Variants in CTDSP2 observed in about 807,000 individuals in gnomAD.
CTDSP2 encodes carboxy-terminal domain RNA polymerase II polypeptide A small phosphatase 2.
In CTDSP2, 9 loss-of-function variants were observed where a neutral mutation model predicts 31.6. The ratio of observed to expected loss-of-function variants is 0.28; its 90% confidence interval spans 0.17 to 0.50. The LOEUF (loss-of-function observed/expected upper bound fraction) is 0.50, where lower values mean the gene tolerates loss of function less well. Among genes scored for constraint, CTDSP2 ranks in the 20% least tolerant of loss-of-function variants. The pLI, the probability that CTDSP2 is intolerant of heterozygous loss-of-function variation, is 0.98. For synonymous variants in CTDSP2, 134 were observed against 134.5 expected (o/e 1.00, Z 0.03); for missense variants, 267 against 348.5 (o/e 0.77, Z 1.86).
In CTDSP2 at chr12:57,846,415, G is replaced by C; in HGVS notation, c.21C>G (p.Ile7Met). The C allele has an allele frequency of 6.2e-7, 1 of 1,607,602 alleles. No homozygotes were observed. Among genetic ancestry groups the C allele is most frequent in the Non-Finnish European group, 8.5e-7 (1 of 1,177,294 alleles). The change falls in exon 1 of 8, where the codon ATC becomes ATG. Residue 7 changes from isoleucine (I) to methionine (M), a missense_variant. By Grantham distance (10) the Ile-to-Met change is conservative. Transcript: ENST00000398073. Reference sequence around the variant, plus strand: ...GGGCGTCTTCCCTCCGCGCCTGGGTGATGATGGAGCCGTGTTCCATCTAAC... The same window carrying C: ...GGGCGTCTTCCCTCCGCGCCTGGGTCATGATGGAGCCGTGTTCCATCTAAC... Reference protein sequence around the residue: MEHGSIITQARREDALV... With the variant: MEHGSIMTQARREDALV...
intron 1 of CTDSP2, among the ~76,000 whole-genome samples, chr12:57,844,259 C>A (rs982527699): frequency 1.3e-4 from 20 of 152,252 alleles, no homozygotes; most frequent in Middle Eastern, 3.4e-3. Flanking sequence ...ACCACACACA[C>A]AAAAAAGGAG....
At chr12:57,829,362 C>T in intron 2 of CTDSP2, 86 bp downstream of exon 2, 1 of 1,499,436 alleles carries the variant, frequency 6.7e-7, no homozygotes, top group South Asian at 1.2e-5. Context: ...TCAGGCAAAG[C>T]TTCCTTGTCC....
chr12:57,829,995 G>A (rs865910398), intron 1 of CTDSP2, among the ~76,000 whole-genome samples: 1 of 152,220 alleles, frequency 6.6e-6, no homozygotes. Context: ...GAGAAACCTG[G>A]TCCCCTTTGA....
At chr12:57,843,768 CTTTTGTT>C (rs988636869) in intron 1 of CTDSP2, among the ~76,000 whole-genome samples, 4 of 152,200 alleles carry the variant, frequency 2.6e-5, no homozygotes, top group African/African-American at 9.7e-5. Flanking sequence ...AGTCCCCCAG[CTTTTGTT>C]TTTTGTTTTG....
At chr12:57,828,725 A>G (rs1956198142) in intron 2 of CTDSP2, among the ~76,000 whole-genome samples, 1 of 152,254 alleles carries the variant, frequency 6.6e-6, no homozygotes, top group African/African-American at 2.4e-5. Flanking sequence ...TCACTGATGT[A>G]TGTCTTCAGC....
chr12:57,829,400 A>G (rs765159870), intron 2 of CTDSP2, 48 bp downstream of exon 2: 1 of 1,600,956 alleles, frequency 6.2e-7, no homozygotes, highest in Non-Finnish European at 8.5e-7. Flanking sequence ...GGGATCTCCC[A>G]TTAACAGTCC....
chr12:57,826,105 C>T (rs1453717835), intron 5 of CTDSP2, among the ~76,000 whole-genome samples: 1 of 152,192 alleles, frequency 6.6e-6, no homozygotes, highest in Admixed American at 6.5e-5. Flanking sequence ...TTCTTTTAAA[C>T]AGCTTGGTTG....
intron 1 of CTDSP2, among the ~76,000 whole-genome samples, chr12:57,833,084 G>A (rs2140479058): frequency 6.6e-6 from 1 of 152,274 alleles, no homozygotes; most frequent in South Asian, 2.1e-4. Context: ...TTTTTAAAAG[G>A]CCACACAGCC....
At chr12:57,843,125 A>G (rs1002337888) in intron 1 of CTDSP2, among the ~76,000 whole-genome samples, 4 of 152,102 alleles carry the variant, frequency 2.6e-5, no homozygotes, top group Non-Finnish European at 5.9e-5. Context: ...ATTCCTCCAA[A>G]AGGCGTGTGG....
At chr12:57,828,726 T>C (rs922207598) in intron 2 of CTDSP2, among the ~76,000 whole-genome samples, 1 of 152,260 alleles carries the variant, frequency 6.6e-6, no homozygotes, top group Non-Finnish European at 1.5e-5. Flanking sequence ...CACTGATGTA[T>C]GTCTTCAGCC....
chr12:57,824,248 G>A lies in CTDSP2; in HGVS notation c.483C>T (p.Leu161=). ...RRMGELFECV[L]FTASLAKYAD... is the part of the protein sequence containing the mutation. ...GTACCTTGGCCAGGCTGGCAGTGAA[G>A]AGAACACATTCAAAGAGTTCCCCCA... is the stretch of plus-strand genomic sequence containing the variant. Residue 161 remains leucine, a synonymous_variant, in exon 6 of 8, where the codon CTC becomes CTT. Coordinates refer to ENST00000398073, the MANE Select transcript of CTDSP2 (RefSeq NM_005730.4). The A allele has an allele frequency of 1.9e-6, 3 of 1,614,084 alleles. No homozygotes were observed. Among genetic ancestry groups the A allele is most frequent in the Non-Finnish European group, 2.5e-6 (3 of 1,179,972 alleles).
intron 1 of CTDSP2, among the ~76,000 whole-genome samples, chr12:57,837,986 G>A (rs1956258340): frequency 6.6e-6 from 1 of 152,180 alleles, no homozygotes; most frequent in Non-Finnish European, 1.5e-5. Context: ...CAGCTAGAGA[G>A]GTAAGAGGAC....
At chr12:57,827,186 G>A (rs1956188366) in intron 3 of CTDSP2, 89 bp from the exon 4 acceptor site, 1 of 947,236 alleles carries the variant, frequency 1.1e-6, no homozygotes, top group Admixed American at 1.9e-5. Context: ...TGGGTTGTTT[G>A]TGGAGACACA....
chr12:57,842,528 T>C (rs1310821074), intron 1 of CTDSP2: 1 of 152,242 alleles, frequency 6.6e-6, no homozygotes, highest in Non-Finnish European at 1.5e-5. Context: ...CAGCCCCAGA[T>C]GTTAGGCATT....
intron 1 of CTDSP2, among the ~76,000 whole-genome samples, chr12:57,838,599 A>G (rs761381532): frequency 6.6e-6 from 1 of 152,348 alleles, no homozygotes; most frequent in South Asian, 2.1e-4. Context: ...CCAGGTATGT[A>G]GGCCTGCTTT....
chr12:57,827,653 C>T (rs1290833897), intron 2 of CTDSP2, 63 bp from the exon 3 acceptor site: 1 of 1,522,622 alleles, frequency 6.6e-7, no homozygotes, highest in South Asian at 1.1e-5. Context: ...TCCAAACCCA[C>T]TGCTTCTGTC....
At chr12:57,826,145 G>A (rs1326184031) in intron 5 of CTDSP2, among the ~76,000 whole-genome samples, 2 of 152,172 alleles carry the variant, frequency 1.3e-5, no homozygotes, top group Non-Finnish European at 2.9e-5. Flanking sequence ...ACAGCTGGGT[G>A]GGATATGGGG....
rs1956142159 is a variant in CTDSP2, at chr12:57,821,088, T to C, written c.*2514A>G. 2 of 152,282 alleles carry C rather than the reference T, an allele frequency of 1.3e-5. No homozygotes were observed. The highest frequency in any genetic ancestry group is 3.4e-3 in the Middle Eastern group (1 of 294). 9.4% of individuals were successfully genotyped at this position (152,282 alleles called of 1,614,324 possible). On this transcript the variant is annotated 3_prime_UTR_variant, in exon 8 of 8. Coordinates refer to ENST00000398073, the MANE Select transcript of CTDSP2 (RefSeq NM_005730.4). The stretch of plus-strand genomic sequence containing the variant: ...CAAAATTGAGTCTGGCCTGATTCCT[T>C]TGAGGAGCAAATTTTACAATCATCC...
chr12:57,835,528 C>T (rs1595193690), intron 1 of CTDSP2, among the ~76,000 whole-genome samples: 1 of 152,322 alleles, frequency 6.6e-6, no homozygotes, highest in East Asian at 1.9e-4. Context: ...CCATGTAGCC[C>T]AACTACGAGC....
Sources: allele counts gnomAD v4.1 joint callset (sites outside exome capture counted in the v4.1 genomes callset), GRCh38; gene constraint gnomAD v4.1.1; transcripts MANE v1.5; gene names NCBI Gene and HGNC (gene_info 2026-07-23, HGNC 2026-07-21).